The following KIF4A variants were observed in gnomAD, a reference collection of about 807,000 sequenced individuals.
KIF4A encodes kinesin family member 4A.
A neutral mutation model predicts 105.9 loss-of-function variants in KIF4A; 7 were observed. The ratio of observed to expected loss-of-function variants is 0.07; its 90% CI spans 0.04 to 0.12. The LOEUF (loss-of-function observed/expected upper bound fraction) is 0.12. Ranked by LOEUF, KIF4A falls within the 10% of genes least tolerant of loss-of-function variation. The probability of loss-of-function intolerance (pLI) is 1.00; values close to 1 mark genes in which losing one functional copy is unlikely to be tolerated. For missense variants in KIF4A, 558 were observed against 929.2 expected (o/e 0.60, Z 5.19); for synonymous variants, 281 against 331.3 (o/e 0.85, Z 1.65).
chrX:70,354,880 A>G (rs1436346859), intron 15 of KIF4A, among the ~76,000 whole-genome samples: 6 of 112,225 alleles, frequency 5.3e-5, no homozygotes, highest in African/African-American at 1.6e-4. Flanking sequence ...AGGAGGAAGG[A>G]CAGCTTCTGG....
chrX:70,326,395 A>G (rs985747158), intron 7 of KIF4A, among the ~76,000 whole-genome samples: 2 of 111,968 alleles, frequency 1.8e-5, no homozygotes, highest in African/African-American at 6.5e-5. Context: ...AATGTCCCCT[A>G]TGAAGCAGAA....
At chrX:70,333,322 A>G (rs2085938441) in intron 9 of KIF4A, among the ~76,000 whole-genome samples, 1 of 105,877 alleles carries the variant, frequency 9.4e-6, no homozygotes, top group African/African-American at 3.4e-5. Flanking sequence ...TCTGTCTCCA[A>G]AAAAAAAAAA....
intron 15 of KIF4A, among the ~76,000 whole-genome samples, chrX:70,367,387 C>A (rs1602778176): frequency 9.0e-6 from 1 of 111,607 alleles, no homozygotes. Context: ...AGTGGCTGGT[C>A]CCAGTTGTTC....
chrX:70,349,806 C>T (rs1361750714), intron 13 of KIF4A, among the ~76,000 whole-genome samples: 1 of 86,803 alleles, frequency 1.2e-5, no homozygotes, highest in Non-Finnish European at 2.2e-5. Context: ...ACATCCCAGA[C>T]GGGGTGGTGG....
At position 70,378,726 on chromosome X, in the gene KIF4A, CAA is replaced by C. The variant is rs57961278; in HGVS notation, c.2034+2527_2034+2528del. On this transcript the variant is annotated intron_variant, in intron 18 of 30. Coordinates refer to ENST00000374403, the MANE Select transcript of KIF4A (RefSeq NM_012310.5). ...CTGGGCAACAAAAGCGAAACTGTCTCAAAAAAAAAAAAGGATTAAAGTAGAAA... is the reference window on the plus strand; with the variant it reads ...CTGGGCAACAAAAGCGAAACTGTCTCAAAAAAAAAAGGATTAAAGTAGAAA... 8.2e-3 allele frequency among the ~76,000 whole-genome samples: 757 copies of C among 92,410 alleles called. 2 individuals carry two copies. The highest frequency in any genetic ancestry group is 0.012 in the Non-Finnish European group (568 of 46,691). 80.2% of individuals were successfully genotyped at this position (92,410 alleles called of 115,157 possible).
chrX:70,290,872 T>A, intron 3 of KIF4A, 67 bp downstream of exon 3: 10 of 737,887 alleles, frequency 1.4e-5, no homozygotes, highest in Non-Finnish European at 1.7e-5. Context: ...TGCCAAGCAC[T>A]GTGCTTGGGC....
rs373986696 is a variant in KIF4A, at chrX:70,404,769, G to A, written c.2845G>A (p.Glu949Lys). The change falls in exon 25 of 31, where the codon GAG becomes AAG. Residue 949 changes from glutamate to lysine, a missense_variant. Glu to Lys is a moderately conservative substitution (Grantham distance 56). Around this residue, in one of 2 missense-constraint regions of KIF4A, gnomAD observed 469 missense variants for 680.4 expected, o/e 0.69. Transcript: ENST00000374403. ...AAGCCAAATGGCAGAGAAGCAGTTAGAGGAATCAGTCAGTGAAAAGGAACA... is the reference window on the plus strand; with the variant it reads ...AAGCCAAATGGCAGAGAAGCAGTTAAAGGAATCAGTCAGTGAAAAGGAACA... ...QQSQMAEKQLEESVSEKEQQL... is the reference protein window; with the variant it reads ...QQSQMAEKQLKESVSEKEQQL... 5 of 1,207,876 alleles carry A rather than the reference G, an allele frequency of 4.1e-6. No individual in the cohort carries two copies. Among genetic ancestry groups the A allele is most frequent in the Non-Finnish European group, 5.6e-6 (5 of 894,053 alleles).
chrX:70,297,154 A>G lies in KIF4A; in HGVS notation c.392A>G (p.Asp131Gly). 2 of 1,209,801 alleles carry G rather than the reference A, an allele frequency of 1.7e-6. No homozygotes were observed. The highest frequency in any genetic ancestry group is 1.1e-6 in the Non-Finnish European group (1 of 893,949). Residue 131 changes from aspartate to glycine, a missense_variant, in exon 4 of 31, where the codon GAC (aspartate) becomes GGC (glycine). Asp to Gly is a moderately conservative substitution (Grantham distance 94, BLOSUM62 -1). Transcript: ENST00000374403. ...LLFKEIDKKS[D>G]FEFTLKVSYL... Reference sequence around the variant, plus strand: ...TTCAAAGAAATTGATAAAAAGAGTGACTTTGAATTTACTCTGAAAGTGTCT... The same window carrying G: ...TTCAAAGAAATTGATAAAAAGAGTGGCTTTGAATTTACTCTGAAAGTGTCT...
At chrX:70,338,663 A>G (rs1322087790) in intron 10 of KIF4A, among the ~76,000 whole-genome samples, 1 of 111,989 alleles carries the variant, frequency 8.9e-6, no homozygotes, top group Non-Finnish European at 1.9e-5. Context: ...GCCTGGGTAT[A>G]GAATTGGTGG....
intron 22 of KIF4A, among the ~76,000 whole-genome samples, chrX:70,398,871 T>G (rs1422103265): frequency 1.8e-5 from 2 of 111,624 alleles, no homozygotes; most frequent in Non-Finnish European, 3.8e-5. Flanking sequence ...ATTATTTGCC[T>G]TTTTTGCTAC....
intron 14 of KIF4A, among the ~76,000 whole-genome samples, chrX:70,352,872 T>G (rs2086036797): frequency 8.9e-6 from 1 of 111,858 alleles, no homozygotes; most frequent in African/African-American, 3.2e-5. Flanking sequence ...GGGCAGGACT[T>G]CTCAAGAATG....
At chrX:70,387,113 C>T in intron 19 of KIF4A, 71 bp from the exon 20 acceptor site, 1 of 727,840 alleles carries the variant, frequency 1.4e-6, no homozygotes, top group Admixed American at 3.1e-5. Flanking sequence ...TTTATCTTTA[C>T]TAATGTGCTA....
chrX:70,377,919 G>A (rs1254581600), intron 18 of KIF4A, among the ~76,000 whole-genome samples: 4 of 112,363 alleles, frequency 3.6e-5, no homozygotes, highest in South Asian at 3.7e-4. Flanking sequence ...GTGCAACAGA[G>A]CAAGACTCCG....
chrX:70,387,070 C>A, intron 19 of KIF4A, 114 bp from the exon 20 acceptor site: 3 of 521,485 alleles, frequency 5.8e-6, no homozygotes, highest in South Asian at 3.5e-5. Flanking sequence ...GTTTATAAAC[C>A]TGGTTCCTAT....
intron 15 of KIF4A, among the ~76,000 whole-genome samples, chrX:70,366,353 T>G (rs1011606469): frequency 8.9e-6 from 1 of 111,985 alleles, no homozygotes; most frequent in Non-Finnish European, 1.9e-5. Flanking sequence ...GGGTGCCAAT[T>G]TTAGATCTTT....
chrX:70,404,356 A>G (rs2086292639), intron 24 of KIF4A, among the ~76,000 whole-genome samples: 1 of 110,784 alleles, frequency 9.0e-6, no homozygotes, highest in Non-Finnish European at 1.9e-5. Flanking sequence ...AGTCCAGGAG[A>G]GTGAAACCCC....
At chrX:70,345,310 A>G (rs925423165) in intron 13 of KIF4A, among the ~76,000 whole-genome samples, 19 of 110,929 alleles carry the variant, frequency 1.7e-4, no homozygotes, top group African/African-American at 6.2e-4. Flanking sequence ...CTGAAAATAC[A>G]AAAATTAGCC....
At chrX:70,309,234 C>T (rs1166979303) in intron 7 of KIF4A, among the ~76,000 whole-genome samples, 1 of 112,387 alleles carries the variant, frequency 8.9e-6, no homozygotes, top group Non-Finnish European at 1.9e-5. Flanking sequence ...TTTCTCTATA[C>T]TACTGACAAT....
intron 15 of KIF4A, among the ~76,000 whole-genome samples, chrX:70,363,427 ATGTTCCCCTTCC>A (rs1236172780): frequency 9.1e-6 from 1 of 109,753 alleles, no homozygotes; most frequent in African/African-American, 3.3e-5. Context: ...CCGGTGTGTG[ATGTTCCCCTTCC>A]TGTGTCCATG....
Sources: gnomAD v4.1 joint callset for allele counts (sites outside exome capture counted in the v4.1 genomes callset) on GRCh38, gnomAD v4.1.1 for gene constraint, gnomAD v4.1.1 regional missense constraint, MANE v1.5 for transcripts, NCBI Gene and HGNC (gene_info 2026-07-23, HGNC 2026-07-21) for gene names.